Variants in BRI3 observed in about 807,000 individuals in gnomAD.
BRI3 encodes the protein brain protein I3, also known as membrane protein BRI3.
Under a neutral mutation model 12.8 loss-of-function variants are expected in BRI3, and 6 were observed. The observed-to-expected ratio is 0.47, with a 90% CI of 0.26 to 0.93. The LOEUF is 0.93. Ranked by LOEUF, BRI3 falls within the 40% of genes least tolerant of loss-of-function variation. The pLI is 0.15. For missense variants in BRI3, 134 were observed against 171.1 expected (o/e 0.78, Z 1.21); for synonymous variants, 91 against 76.1 (o/e 1.20, Z -1.02).
At chr7:98,291,675 A>C (rs772783029), downstream of BRI3, 2 of 301,756 alleles carry the variant, frequency 6.6e-6, no homozygotes, top group Middle Eastern at 1.8e-3. Context: ...CTTTATTATT[A>C]AAGTTGTAAT....
chr7:98,294,125 A>G (rs200251950), downstream of BRI3: 40 of 1,613,136 alleles, frequency 2.5e-5, no homozygotes, highest in East Asian at 8.0e-4. Flanking sequence ...TGAGAAAGAT[A>G]AAGAAGTTTA....
chr7:98,320,051 C>T, the BRI3 span: 1 of 1,610,536 alleles, frequency 6.2e-7, no homozygotes, highest in South Asian at 1.1e-5. Context: ...GAAAACCATG[C>T]ACTTACGTTC....
chr7:98,288,365 C>T (rs932053860), intron 2 of BRI3, among the ~76,000 whole-genome samples: 3 of 152,054 alleles, frequency 2.0e-5, no homozygotes, highest in Admixed American at 6.5e-5. Flanking sequence ...CCAGGCAGGG[C>T]GTGCTGCAGT....
intron 2 of BRI3, chr7:98,282,762 C>T (rs757059080): frequency 9.1e-6 from 3 of 329,998 alleles, no homozygotes; most frequent in Non-Finnish European, 1.7e-5. Flanking sequence ...GTCCTTTCGT[C>T]TTTGTTCTGG....
downstream of BRI3, chr7:98,293,565 G>A (rs944762900): frequency 6.8e-6 from 11 of 1,613,804 alleles, no homozygotes; most frequent in African/African-American, 2.7e-5. Context: ...ACAGTCGGGC[G>A]GAGTTTCACA....
downstream of BRI3, chr7:98,311,985 G>T: frequency 9.0e-7 from 1 of 1,111,834 alleles, no homozygotes; most frequent in Non-Finnish European, 1.3e-6. Flanking sequence ...CGAAAAGGTG[G>T]TCCTGGAAGT....
chr7:98,302,633 C>T (rs1344880152), upstream of BRI3, among the ~76,000 whole-genome samples: 2 of 152,136 alleles, frequency 1.3e-5, no homozygotes, highest in Admixed American at 1.3e-4. Context: ...ATGGGGGACA[C>T]CCTCCAGGAC....
At chr7:98,312,052 T>A (rs538392421), downstream of BRI3, 3 of 1,543,134 alleles carry the variant, frequency 1.9e-6, no homozygotes, top group East Asian at 2.3e-5. Flanking sequence ...CAGATCAAGT[T>A]AGGAAACACA....
chr7:98,304,004 A>C (rs777511686), upstream of BRI3, among the ~76,000 whole-genome samples: 76 of 152,218 alleles, frequency 5.0e-4, 1 homozygote, highest in Non-Finnish European at 9.1e-4. Flanking sequence ...GAAGTCAAGG[A>C]GGTGAAAGGC....
intron 2 of BRI3, among the ~76,000 whole-genome samples, chr7:98,286,136 G>T (rs1284024901): frequency 6.6e-6 from 1 of 152,176 alleles, no homozygotes; most frequent in African/African-American, 2.4e-5. Flanking sequence ...TCAGATCCCA[G>T]CCACGCCTTT....
At chr7:98,295,715 G>A (rs971065159), downstream of BRI3, among the ~76,000 whole-genome samples, 1 of 152,070 alleles carries the variant, frequency 6.6e-6, no homozygotes, top group African/African-American at 2.4e-5. Flanking sequence ...GCTTATGCTA[G>A]GGGAAGGCGC....
chr7:98,289,656 G>A (rs1209156506), intron 2 of BRI3, among the ~76,000 whole-genome samples: 1 of 152,210 alleles, frequency 6.6e-6, no homozygotes, highest in East Asian at 1.9e-4. Context: ...CTGGATGGGG[G>A]GTTTGGGCCC....
chr7:98,320,649 G>A, the BRI3 span, among the ~76,000 whole-genome samples: 3 of 151,924 alleles, frequency 2.0e-5, no homozygotes, highest in African/African-American at 7.3e-5. Context: ...GCACAGTTTT[G>A]TAAAGTATTA....
At chr7:98,293,545 A>G (rs1391396754), downstream of BRI3, 1 of 1,613,770 alleles carries the variant, frequency 6.2e-7, no homozygotes, top group Middle Eastern at 1.7e-4. Flanking sequence ...GTGCCGAGCG[A>G]TCATTCGTCA....
chr7:98,313,445 G>A (rs1398319126), downstream of BRI3, among the ~76,000 whole-genome samples: 3 of 152,204 alleles, frequency 2.0e-5, no homozygotes, highest in East Asian at 5.8e-4. Flanking sequence ...CACGCAGGAA[G>A]AGAACCTCAA....
downstream of BRI3, among the ~76,000 whole-genome samples, chr7:98,313,982 C>CTTTTT (rs35599338): frequency 7.9e-5 from 8 of 100,974 alleles, no homozygotes; most frequent in East Asian, 2.7e-4. Context: ...CTTTTTCTTC[C>CTTTTT]TTTTTTTTTT....
At chr7:98,297,567 A>T (rs550730868), downstream of BRI3, among the ~76,000 whole-genome samples, 2 of 152,140 alleles carry the variant, frequency 1.3e-5, no homozygotes, top group South Asian at 4.1e-4. Flanking sequence ...CCTCACTGAC[A>T]CCTGTCTTCA....
downstream of BRI3, among the ~76,000 whole-genome samples, chr7:98,311,796 C>T (rs142062627): frequency 2.9e-3 from 437 of 152,146 alleles, no homozygotes; most frequent in South Asian, 6.8e-3. Flanking sequence ...ATCCCAGCTA[C>T]TGAGGAGGCT....
chr7:98,307,423 A>G, intron 1 of BRI3: 1 of 1,303,332 alleles, frequency 7.7e-7, no homozygotes, highest in Non-Finnish European at 9.8e-7. Context: ...AATTTTTTTT[A>G]AAAACAAAAG....
Sources: allele counts gnomAD v4.1 joint callset (sites outside exome capture counted in the v4.1 genomes callset), GRCh38; gene constraint gnomAD v4.1.1; transcripts MANE v1.5; gene names NCBI Gene and HGNC (gene_info 2026-07-23, HGNC 2026-07-21).